ANO10: variants seen among roughly 807,000 people sequenced by gnomAD.
ANO10 encodes the protein anoctamin 10, also known as anoctamin-10.
ANO10 carries 77 observed loss-of-function variants against 74.7 expected under a neutral mutation model. The observed-to-expected ratio is 1.03, with a 90% CI of 0.86 to 1.25. The LOEUF (loss-of-function observed/expected upper bound fraction) is 1.25, where lower values mean the gene tolerates loss of function less well. ANO10 is among the 50% of genes most tolerant of loss of function. The pLI, the probability that ANO10 is intolerant of heterozygous loss-of-function variation, is 0.00. For missense variants in ANO10, 721 were observed against 778.1 expected (o/e 0.93, Z 0.87); for synonymous variants, 279 against 284.9 (o/e 0.98, Z 0.21).
intron 1 of ANO10, among the ~76,000 whole-genome samples, chr3:43,688,571 G>A (rs972874112): frequency 2.6e-5 from 4 of 152,270 alleles, no homozygotes; most frequent in African/African-American, 7.2e-5. Flanking sequence ...AGCTGGGCGC[G>A]GTGGCTCATG....
Position 43,432,673 on chromosome 3 carries a change from G to A in ANO10, c.1852C>T (p.Arg618Trp), listed in dbSNP as rs374665712. ...CTGGCTAGTTTCATCTGGATATGCC[G>A]TGGCTTATCAGGTATGGCAAATGCA... The part of the protein sequence containing the change: ...ILAFAIPDKP[R>W]HIQMKLARLE... Residue 618 changes from arginine (R) to tryptophan (W), a missense_variant, in exon 12 of 13, where the codon CGG becomes TGG. Coordinates refer to ENST00000292246, the MANE Select transcript of ANO10 (RefSeq NM_018075.5). 4.5e-5 allele frequency: 72 copies of A among 1,613,930 alleles called. No individual in the cohort carries two copies. Among genetic ancestry groups the A allele is most frequent in the Middle Eastern group, 1.7e-4 (1 of 6,060 alleles).
intron 12 of ANO10, among the ~76,000 whole-genome samples, chr3:43,418,693 T>C (rs1237673575): frequency 6.6e-6 from 1 of 152,230 alleles, no homozygotes; most frequent in Non-Finnish European, 1.5e-5. Context: ...AAGCATTTAT[T>C]ATCTCACACT....
At chr3:43,373,571 G>C (rs908668539) in intron 12 of ANO10, among the ~76,000 whole-genome samples, 1 of 152,208 alleles carries the variant, frequency 6.6e-6, no homozygotes, top group African/African-American at 2.4e-5. Context: ...CTGGGTTTCA[G>C]AGCAAAATTT....
At chr3:43,456,557 A>G (rs1253739818) in intron 11 of ANO10, among the ~76,000 whole-genome samples, 1 of 152,248 alleles carries the variant, frequency 6.6e-6, no homozygotes, top group African/African-American at 2.4e-5. Context: ...AATGAACCAA[A>G]TTCATACATA....
chr3:43,571,834 A>T (rs575691739), intron 7 of ANO10, among the ~76,000 whole-genome samples: 6 of 134,718 alleles, frequency 4.5e-5, no homozygotes, highest in South Asian at 2.2e-4. Context: ...TTAAAGTATA[A>T]AAAAAAAAAA....
chr3:43,577,300 C>A (rs762885035), intron 5 of ANO10, 39 bp from the exon 6 acceptor site: 3 of 1,574,640 alleles, frequency 1.9e-6, no homozygotes, highest in East Asian at 2.3e-5. Flanking sequence ...GTATAGACTA[C>A]CAAACACTTT....
At chr3:43,614,978 T>C (rs1008882835) in intron 1 of ANO10, among the ~76,000 whole-genome samples, 3 of 150,938 alleles carry the variant, frequency 2.0e-5, no homozygotes, top group African/African-American at 7.3e-5. Flanking sequence ...AATAGAACCA[T>C]TAATACTGAG....
intron 11 of ANO10, among the ~76,000 whole-genome samples, chr3:43,536,714 A>C (rs898822717): frequency 6.6e-6 from 1 of 152,090 alleles, no homozygotes; most frequent in African/African-American, 2.4e-5. Context: ...GAAAGGAGCC[A>C]TTTACTATAT....
At chr3:43,636,052 G>A (rs2083606709) in intron 1 of ANO10, among the ~76,000 whole-genome samples, 1 of 152,076 alleles carries the variant, frequency 6.6e-6, no homozygotes, top group South Asian at 2.1e-4. Context: ...CCAAAAAACA[G>A]AGTTGTCCTA....
At chr3:43,391,838 C>T (rs1247501513) in intron 12 of ANO10, among the ~76,000 whole-genome samples, 1 of 152,126 alleles carries the variant, frequency 6.6e-6, no homozygotes, top group Non-Finnish European at 1.5e-5. Context: ...TGAGAGAGAT[C>T]CTGAGTCAGA....
intron 9 of ANO10, 105 bp from the exon 10 acceptor site, chr3:43,555,574 A>G: frequency 8.6e-7 from 1 of 1,163,392 alleles, no homozygotes; most frequent in Non-Finnish European, 1.2e-6. Context: ...AAAAACCTCA[A>G]AGAGTTTCCC....
At chr3:43,532,773 G>A (rs1023515890) in intron 11 of ANO10, among the ~76,000 whole-genome samples, 3 of 152,100 alleles carry the variant, frequency 2.0e-5, no homozygotes, top group African/African-American at 7.2e-5. Flanking sequence ...AAAGAGTAAT[G>A]CAAAACAACA....
At chr3:43,473,441 C>T (rs748623232) in intron 11 of ANO10, among the ~76,000 whole-genome samples, 14 of 152,150 alleles carry the variant, frequency 9.2e-5, no homozygotes, top group Non-Finnish European at 1.9e-4. Context: ...ATGCTCTGAG[C>T]CCTACAGGCA....
At chr3:43,543,483 G>A (rs576476239) in intron 11 of ANO10, among the ~76,000 whole-genome samples, 22 of 152,272 alleles carry the variant, frequency 1.4e-4, no homozygotes, top group Middle Eastern at 3.4e-3. Flanking sequence ...TCTGCCTCCC[G>A]AATTCACGAC....
At chr3:43,524,700 A>G (rs560125370) in intron 11 of ANO10, among the ~76,000 whole-genome samples, 1 of 152,250 alleles carries the variant, frequency 6.6e-6, no homozygotes, top group Admixed American at 6.6e-5. Context: ...TCAGCGGGAC[A>G]ATGAACACAT....
chr3:43,479,041 T>G (rs2076174050), intron 11 of ANO10, among the ~76,000 whole-genome samples: 1 of 152,218 alleles, frequency 6.6e-6, no homozygotes, highest in African/African-American at 2.4e-5. Context: ...CAAGGTTCCC[T>G]GATCCTTTTG....
At chr3:43,413,573 A>G (rs1416296362) in intron 12 of ANO10, among the ~76,000 whole-genome samples, 2 of 151,384 alleles carry the variant, frequency 1.3e-5, no homozygotes, top group Non-Finnish European at 2.9e-5. Context: ...AGCCAACACC[A>G]TGCTTCCTGT....
chr3:43,427,791 A>G (rs1033037005), intron 12 of ANO10, among the ~76,000 whole-genome samples: 2 of 152,226 alleles, frequency 1.3e-5, no homozygotes, highest in African/African-American at 4.8e-5. Flanking sequence ...TAGAAATGGC[A>G]CTAGTTCAGC....
At chr3:43,592,774 G>A (rs1016708838) in intron 4 of ANO10, among the ~76,000 whole-genome samples, 2 of 152,194 alleles carry the variant, frequency 1.3e-5, no homozygotes, top group Non-Finnish European at 2.9e-5. Flanking sequence ...GAGAGAAGAA[G>A]GCTTCAGAAG....
Sources: gnomAD v4.1 joint callset for allele counts (sites outside exome capture counted in the v4.1 genomes callset) on GRCh38, gnomAD v4.1.1 for gene constraint, MANE v1.5 for transcripts, NCBI Gene and HGNC (gene_info 2026-07-23, HGNC 2026-07-21) for gene names.